The following BTRC variants were observed in gnomAD, a reference collection of about 807,000 sequenced individuals.
The protein encoded by BTRC is F-box/WD repeat-containing protein 1A.
BTRC carries 42 observed loss-of-function variants against 85.5 expected under a neutral mutation model. The ratio of observed to expected loss-of-function variants is 0.49; its 90% CI spans 0.38 to 0.64. BTRC has a LOEUF of 0.64. Among genes scored for constraint, BTRC ranks in the 30% least tolerant of loss-of-function variants. BTRC has a pLI of 0.00. For missense variants in BTRC, 594 were observed against 743.5 expected (o/e 0.80, Z 2.34); for synonymous variants, 255 against 263.3 (o/e 0.97, Z 0.30).
Position 101,360,058 on chromosome 10 carries a change from T to TA in BTRC, c.48+5837dup, listed in dbSNP as rs398046207. Among the ~76,000 whole-genome samples, 155 of 152,096 alleles carry TA rather than the reference T, an allele frequency of 1.0e-3. 1 individual carries two copies. Among genetic ancestry groups the TA allele is most frequent in the South Asian group, 7.1e-3 (34 of 4,820 alleles). ...ACTTTCAAAAGAGATCTCTTTTTTT[T>TA]AAAAAAACTTAATTGAGACAGGGTC... On this transcript the variant is annotated intron_variant, in intron 1 of 14. Coordinates refer to ENST00000370187, the MANE Select transcript of BTRC (RefSeq NM_033637.4).
intron 4 of BTRC, among the ~76,000 whole-genome samples, chr10:101,509,592 GT>G (rs1946644412): frequency 1.4e-5 from 2 of 143,940 alleles, no homozygotes; most frequent in Admixed American, 7.0e-5. Context: ...TCTCTCTGTT[GT>G]TTAGGCTGAA....
chr10:101,489,714 T>C (rs1946080341), intron 4 of BTRC, among the ~76,000 whole-genome samples: 2 of 152,212 alleles, frequency 1.3e-5, no homozygotes, highest in East Asian at 1.9e-4. Context: ...AAAATAAAAT[T>C]GTATTTTTTC....
At chr10:101,487,158 G>A (rs1032201771) in intron 4 of BTRC, among the ~76,000 whole-genome samples, 10 of 152,144 alleles carry the variant, frequency 6.6e-5, no homozygotes, top group African/African-American at 1.9e-4. Context: ...ATTAGCATTT[G>A]TAGTCACAGA....
At chr10:101,509,455 C>T (rs1203911590) in intron 4 of BTRC, among the ~76,000 whole-genome samples, 1 of 148,916 alleles carries the variant, frequency 6.7e-6, no homozygotes, top group Non-Finnish European at 1.5e-5. Context: ...GGGGTTTCAC[C>T]GTTTTAGCCG....
intron 8 of BTRC, among the ~76,000 whole-genome samples, 164 bp from the exon 9 acceptor site, chr10:101,532,788 G>A (rs867384900): frequency 2.1e-4 from 16 of 76,174 alleles, no homozygotes; most frequent in African/African-American, 1.7e-3. Context: ...GTGTGTGTGT[G>A]TGCGCGTGTG....
chr10:101,543,494 A>G (rs537155972), intron 13 of BTRC, among the ~76,000 whole-genome samples: 11 of 146,540 alleles, frequency 7.5e-5, no homozygotes, highest in Admixed American at 6.8e-4. Flanking sequence ...CAGCCTGACC[A>G]TCTCTGCCTT....
intron 1 of BTRC, among the ~76,000 whole-genome samples, chr10:101,403,351 C>G (rs1943535559): frequency 1.3e-5 from 2 of 152,146 alleles, no homozygotes; most frequent in African/African-American, 4.8e-5. Flanking sequence ...ATTGGAATAC[C>G]TTTAGGACAC....
intron 6 of BTRC, among the ~76,000 whole-genome samples, chr10:101,530,681 C>T (rs892457361): frequency 2.0e-5 from 3 of 152,004 alleles, no homozygotes; most frequent in Non-Finnish European, 2.9e-5. Flanking sequence ...CTTGGTACTC[C>T]GATGTTCTAC....
intron 6 of BTRC, among the ~76,000 whole-genome samples, chr10:101,526,940 A>G (rs575446464): frequency 6.6e-6 from 1 of 152,352 alleles, no homozygotes; most frequent in African/African-American, 2.4e-5. Flanking sequence ...AAGAGACTTC[A>G]CTAATTTTTT....
intron 12 of BTRC, 83 bp downstream of exon 12, chr10:101,536,736 C>A (rs113137058): frequency 1.2e-5 from 12 of 1,013,738 alleles, no homozygotes; most frequent in African/African-American, 1.1e-4. Context: ...CATAACCATT[C>A]CTTGTTTCTA....
chr10:101,409,707 G>A (rs1454503511), intron 1 of BTRC, among the ~76,000 whole-genome samples: 1 of 152,042 alleles, frequency 6.6e-6, no homozygotes, highest in African/African-American at 2.4e-5. Context: ...TTAAAATGTT[G>A]GTATTATCAT....
intron 3 of BTRC, among the ~76,000 whole-genome samples, chr10:101,469,340 T>A (rs1945461501): frequency 6.6e-6 from 1 of 152,182 alleles, no homozygotes; most frequent in Non-Finnish European, 1.5e-5. Context: ...ATCAGCAAAG[T>A]CATTTACCCA....
At chr10:101,509,520 C>A (rs1260712415) in intron 4 of BTRC, among the ~76,000 whole-genome samples, 1 of 148,518 alleles carries the variant, frequency 6.7e-6, no homozygotes, top group African/African-American at 2.5e-5. Context: ...TCCCAAAGTG[C>A]TGGGATTACA....
chr10:101,528,577 AC>A (rs1165111284), intron 6 of BTRC, among the ~76,000 whole-genome samples: 1 of 152,110 alleles, frequency 6.6e-6, no homozygotes, highest in Non-Finnish European at 1.5e-5. Context: ...CCCATGATAA[AC>A]CCATGAAATT....
chr10:101,542,685 C>T (rs1479040930), intron 13 of BTRC, among the ~76,000 whole-genome samples: 3 of 152,184 alleles, frequency 2.0e-5, no homozygotes, highest in East Asian at 1.9e-4. Context: ...AATCCACCCA[C>T]CTGAGCCTCC....
chr10:101,514,387 A>G (rs1023804251), intron 4 of BTRC, among the ~76,000 whole-genome samples: 19 of 152,086 alleles, frequency 1.2e-4, no homozygotes, highest in African/African-American at 4.3e-4. Context: ...ATTTTTGTAT[A>G]TGATGTGAAG....
At chr10:101,550,957 C>G in intron 14 of BTRC, 66 bp downstream of exon 14, 1 of 1,404,608 alleles carries the variant, frequency 7.1e-7, no homozygotes, top group Admixed American at 2.1e-5. Context: ...TAAGGTGTTG[C>G]TAGTTCATGG....
intron 4 of BTRC, among the ~76,000 whole-genome samples, chr10:101,514,731 G>A (rs2061999954): frequency 6.6e-6 from 1 of 152,120 alleles, no homozygotes; most frequent in South Asian, 2.1e-4. Flanking sequence ...GGGATTACAG[G>A]CATGAGCCAC....
chr10:101,421,019 C>T (rs940017974), intron 1 of BTRC, among the ~76,000 whole-genome samples: 1 of 149,962 alleles, frequency 6.7e-6, no homozygotes, highest in Non-Finnish European at 1.5e-5. Flanking sequence ...GGTTTACTAT[C>T]ACATCAGATT....
Sources: gnomAD v4.1 joint callset for allele counts (sites outside exome capture counted in the v4.1 genomes callset) on GRCh38, gnomAD v4.1.1 for gene constraint, MANE v1.5 for transcripts, NCBI Gene and HGNC (gene_info 2026-07-23, HGNC 2026-07-21) for gene names.